The following WDR87 variants were observed in gnomAD, a reference collection of about 807,000 sequenced individuals.
The protein encoded by WDR87 is WD repeat-containing protein 87.
Under a neutral mutation model 83.3 loss-of-function variants are expected in WDR87, and 56 were observed. That is an observed-to-expected ratio of 0.67 (90% CI 0.54 to 0.84). The LOEUF is 0.84. Among genes scored for constraint, WDR87 ranks in the 40% least tolerant of loss-of-function variants. The pLI, the probability that WDR87 is intolerant of heterozygous loss-of-function variation, is 0.00. For missense variants in WDR87, 2,939 were observed against 3,431.9 expected (o/e 0.86, Z 3.59); for synonymous variants, 1,173 against 1,250.6 (o/e 0.94, Z 1.31).
Position 37,894,490 on chromosome 19 carries a change from GCCAGGTGATAACCAGAAGGT to G in WDR87, c.1193_1212del (p.Asp398AlafsTer17), listed in dbSNP as rs770313259. On this transcript the variant is annotated frameshift_variant, in exon 4 of 6. Transcript: ENST00000447313. LOFTEE classifies it high-confidence loss of function. The stretch of plus-strand genomic sequence containing the variant: ...ACAGCCTGGTCCAGGATTGAGAAGG[GCCAGGTGATAACCAGAAGGT>G]CCCCTGTTACTGGGGACACAAAGCG... 1.3e-6 allele frequency: 2 copies of G among 1,551,700 alleles called. No individual in the cohort carries two copies. The highest frequency in any genetic ancestry group is 2.4e-5 in the South Asian group (2 of 84,062).
intron 1 of WDR87, among the ~76,000 whole-genome samples, chr19:37,899,866 C>T (rs1419086264): frequency 6.6e-6 from 1 of 152,182 alleles, no homozygotes; most frequent in Non-Finnish European, 1.5e-5. Context: ...CTTTGGCTTC[C>T]CAAAGACTTG....
chr19:37,898,289 T>C lies in WDR87; in HGVS notation c.-46-4A>G. The C allele has an allele frequency of 1.3e-6, 2 of 1,538,942 alleles. No individual in the cohort carries two copies. The highest frequency in any genetic ancestry group is 1.8e-6 in the Non-Finnish European group (2 of 1,142,354). ...CTGAGGACTGTTGCTTAAAAACCTG[T>C]GGGAATCCAAAAGAGCCCAGCTTAG... On this transcript the variant is annotated splice_region_variant and splice_polypyrimidine_tract_variant and intron_variant, in intron 1 of 5. Coordinates refer to ENST00000447313, the MANE Select transcript of WDR87 (RefSeq NM_001291088.2).
In WDR87 at chr19:37,889,622, G is replaced by A. The variant is rs148940145; in HGVS notation, c.4049C>T (p.Pro1350Leu). ...GATAAAAATTGGTTTCTTCTCTGGC[G>A]GGACTACATCCCAATCAAGGTCCTC... The part of the protein sequence containing the change: ...LLEDLDWDVV[P>L]PEKKPIFIQE... Residue 1350 changes from proline (P) to leucine (L), a missense_variant, in exon 6 of 6, where the codon CCG (proline) becomes CTG (leucine). Transcript: ENST00000447313. 4.1e-4 allele frequency: 637 copies of A among 1,551,634 alleles called. 1 individual carries two copies. In the African/African-American group the frequency reaches 6.6e-3, roughly 16 times the overall value.
rs1228410299 is a variant in WDR87, at chr19:37,887,630, ATCT to A, written c.6038_6040del (p.Lys2013del). 1.9e-6 allele frequency: 3 copies of A among 1,552,024 alleles called. No individual in the cohort carries two copies. Among genetic ancestry groups the A allele is most frequent in the East Asian group, 4.9e-5 (2 of 40,916 alleles). On this transcript the variant is annotated inframe_deletion, in exon 6 of 6. Transcript: ENST00000447313. ...TGTTTCTTTTCCCTCAACCAGTCTCATCTTCTCCTCAGCCAGTCTTTTCATTTC... is the reference window on the plus strand; with the variant it reads ...TGTTTCTTTTCCCTCAACCAGTCTCATCTCCTCAGCCAGTCTTTTCATTTC...
In WDR87 at chr19:37,901,542, C is replaced by T. The variant is rs565153002; in HGVS notation, c.-46-3257G>A. 3.9e-5 allele frequency among the ~76,000 whole-genome samples: 6 copies of T among 152,276 alleles called. No individual in the cohort carries two copies. The South Asian group carries it at 1.2e-3, about 32-fold the overall frequency. On this transcript the variant is annotated intron_variant, in intron 1 of 5. Transcript: ENST00000447313. ...CTGCTGAGAGAGTAGTCGTTTGTAACAAATTTGCAGTCACTGCCATCACTT... is the reference window on the plus strand; with the variant it reads ...CTGCTGAGAGAGTAGTCGTTTGTAATAAATTTGCAGTCACTGCCATCACTT...
Position 37,893,248 on chromosome 19 carries a change from C to T in WDR87, c.2455G>A (p.Ala819Thr). The change falls in exon 4 of 6, where the codon GCC becomes ACC. Residue 819 changes from alanine (A) to threonine (T), a missense_variant. Around this residue, in one of 3 missense-constraint regions of WDR87, gnomAD observed 2,160 missense variants for 2,533.1 expected, o/e 0.85. Transcript: ENST00000447313. ...GAATTGGGGATATAGCAGTCAGGGG[C>T]AAAAAGCCATTCCCGCCCATGACCA... ...YFGHGREWLF[A>T]PDCYIPNSVI... 1 of 1,551,836 alleles carries T rather than the reference C, an allele frequency of 6.4e-7. No individual in the cohort carries two copies. Among genetic ancestry groups the T allele is most frequent in the South Asian group, 1.2e-5 (1 of 84,060 alleles).
chr19:37,885,916 G>A lies in WDR87; in HGVS notation c.7755C>T (p.Phe2585=). Residue 2585 remains phenylalanine, a synonymous_variant, in exon 6 of 6, where the codon TTC becomes TTT. Coordinates refer to ENST00000447313, the MANE Select transcript of WDR87 (RefSeq NM_001291088.2). ...CTTTGAGCAGCTGGCACAGTCTATGGAAACCATCCCTGGAAAGCTGTTCTC... is the reference window on the plus strand; with the variant it reads ...CTTTGAGCAGCTGGCACAGTCTATGAAAACCATCCCTGGAAAGCTGTTCTC... ...EAGEQLSRDG[F]HRLCQLLKDL... The A allele has an allele frequency of 6.4e-7, 1 of 1,552,286 alleles. No homozygotes were observed. The highest frequency in any genetic ancestry group is 2.4e-5 in the East Asian group (1 of 40,932).
chr19:37,896,335 G>A, intron 2 of WDR87, 27 bp from the exon 3 acceptor site: 2 of 1,549,598 alleles, frequency 1.3e-6, no homozygotes, highest in Non-Finnish European at 1.7e-6. Context: ...CATAAACTAA[G>A]AGGCCAGGGC....
chr19:37,892,503 G>T lies in WDR87; in HGVS notation c.3125+75C>A, dbSNP rs946947841. On this transcript the variant is annotated intron_variant, in intron 4 of 5. Coordinates refer to ENST00000447313, the MANE Select transcript of WDR87 (RefSeq NM_001291088.2). ...AACATCAGGGAGAATTAATGAACAG[G>T]GATGAAGAAATAGCAAAGGAAAGGA... 3.1e-6 allele frequency: 4 copies of T among 1,290,976 alleles called. No homozygotes were observed. In the African/African-American group the frequency reaches 4.5e-5, roughly 15 times the overall value. The allele number at this position is 1,290,976 out of a possible 1,614,324, so 80.0% of individuals were successfully genotyped here.
chr19:37,895,213 G>A lies in WDR87; in HGVS notation c.490C>T (p.Leu164Phe). The A allele has an allele frequency of 6.4e-7, 1 of 1,551,718 alleles. No individual in the cohort carries two copies. Among genetic ancestry groups the A allele is most frequent in the Non-Finnish European group, 8.7e-7 (1 of 1,147,002 alleles). The change falls in exon 4 of 6, where the codon CTT becomes TTT. Residue 164 changes from leucine (L) to phenylalanine (F), a missense_variant. Leu to Phe is a conservative substitution (Grantham distance 22, BLOSUM62 0). Transcript: ENST00000447313. Reference protein sequence around the residue: ...CLCYDPEMKMLLSGILGAVVT... With the variant: ...CLCYDPEMKMFLSGILGAVVT... ...ACTGCCCCCAGGATGCCAGACAGAA[G>A]CATCTTCATTTCCGGGTCATAGCAG...
rs763005735 is a variant in WDR87 at position 37,886,893 on chromosome 19, C to G, written c.6778G>C (p.Glu2260Gln). 270 of 1,551,496 alleles carry G rather than the reference C, an allele frequency of 1.7e-4. No individual in the cohort carries two copies. Among genetic ancestry groups the G allele is most frequent in the Non-Finnish European group, 2.3e-4 (261 of 1,146,984 alleles). ...TCTTCAGAAAAATGCTCTTCACTTT[C>G]CACTTCATCCACTTGACTGGAAAAC... is the stretch of plus-strand genomic sequence containing the variant. ...EKFSSQVDEVESEEHFSEEME... is the reference protein window; with the variant it reads ...EKFSSQVDEVQSEEHFSEEME... Residue 2260 changes from glutamate (E) to glutamine (Q), a missense_variant, in exon 6 of 6, where the codon GAA (glutamate) becomes CAA (glutamine). Transcript: ENST00000447313.
rs774971983 is a variant in WDR87 at position 37,889,675 on chromosome 19, T to C, written c.3996A>G (p.Leu1332=). The change falls in exon 6 of 6, where the codon CTA becomes CTG. Residue 1332 remains leucine (L), a synonymous_variant. Coordinates refer to ENST00000447313, the MANE Select transcript of WDR87 (RefSeq NM_001291088.2). ...SWELFQEICP[L]LKKESKVLLE... ...GCAGAACCTTACTTTCTTTCTTCAATAGGGGGCAGATCTCCTGAAAGAGTT... is the reference window on the plus strand; with the variant it reads ...GCAGAACCTTACTTTCTTTCTTCAACAGGGGGCAGATCTCCTGAAAGAGTT... 1.5e-5 allele frequency: 23 copies of C among 1,551,660 alleles called. No individual in the cohort carries two copies. Among genetic ancestry groups the C allele is most frequent in the Admixed American group, 3.9e-5 (2 of 50,978 alleles).
chr19:37,890,032 T>C lies in WDR87; in HGVS notation c.3639A>G (p.Lys1213=). The C allele has an allele frequency of 1.3e-6, 2 of 1,551,758 alleles. No homozygotes were observed. The highest frequency in any genetic ancestry group is 1.7e-6 in the Non-Finnish European group (2 of 1,147,010). The change falls in exon 6 of 6, where the codon AAA becomes AAG. Residue 1213 remains lysine, a synonymous_variant. Transcript: ENST00000447313. ...CTTTCTTGTCTCTTTTGTCACGTAT[T>C]TTCTGCAGCCTCTTCAGGGTCAATG... is the stretch of plus-strand genomic sequence containing the variant. ...HIALTLKRLQ[K]IRDKRDKKAT...
At position 37,888,657 on chromosome 19, in the gene WDR87, C is replaced by T; in HGVS notation, c.5014G>A (p.Ala1672Thr). 1 of 1,552,016 alleles carries T rather than the reference C, an allele frequency of 6.4e-7. No homozygotes were observed. The highest frequency in any genetic ancestry group is 1.2e-5 in the South Asian group (1 of 84,032). Residue 1672 changes from alanine (A) to threonine (T), a missense_variant, in exon 6 of 6, where the codon GCA (alanine) becomes ACA (threonine). By Grantham distance (58) the Ala-to-Thr change is moderately conservative. Around this residue, in one of 3 missense-constraint regions of WDR87, gnomAD observed 2,160 missense variants for 2,533.1 expected, o/e 0.85. Transcript: ENST00000447313. Reference protein sequence around the residue: ...ITQDDREMAQAEGKFAQKEET... With the variant: ...ITQDDREMAQTEGKFAQKEET... ...TCTTTCTGGGCAAACTTACCCTCTG[C>T]CTGGGCCATTTCCCTGTCATCCTGG...
At chr19:37,895,992 A>G (rs1599768763) in intron 3 of WDR87, 146 bp downstream of exon 3, 2 of 1,122,492 alleles carry the variant, frequency 1.8e-6, no homozygotes, top group East Asian at 5.2e-5. Flanking sequence ...CATGGGGACT[A>G]TAATTGGAGA....
rs1465012886 is a variant in WDR87, at chr19:37,893,896, G to T, written c.1807C>A (p.Pro603Thr). 6.4e-7 allele frequency: 1 copy of T among 1,551,810 alleles called. No homozygotes were observed. The highest frequency in any genetic ancestry group is 8.7e-7 in the Non-Finnish European group (1 of 1,147,052). The change falls in exon 4 of 6, where the codon CCT becomes ACT. Residue 603 changes from proline to threonine, a missense_variant. Pro to Thr is a conservative substitution (Grantham distance 38). Transcript: ENST00000447313. The part of the protein sequence containing the change: ...QNGLKFIETL[P>T]LHLCAITSFD... ...GATGTGATGGCACACAGGTGCAGAG[G>T]CAGTGTTTCTATGAATTTCAAGCCA...
rs758509402 is a variant in WDR87, at chr19:37,884,949, C to T, written c.8722G>A (p.Val2908Ile). 4.7e-5 allele frequency: 62 copies of T among 1,316,150 alleles called. No homozygotes were observed. Among genetic ancestry groups the T allele is most frequent in the Middle Eastern group, 2.0e-4 (1 of 5,082 alleles). The allele number at this position is 1,316,150 out of a possible 1,614,324, so 81.5% of individuals were successfully genotyped here. ...GTCCCAAATTAGAGAGTGGGAGCAA[C>T]GGTGTGTGTCAGTGCCTTGGTGAGA... ...LHLTKALTHT[V>I]APTL The change falls in exon 6 of 6, where the codon GTT (valine) becomes ATT (isoleucine). Residue 2908 changes from valine to isoleucine, a missense_variant. Coordinates refer to ENST00000447313, the MANE Select transcript of WDR87 (RefSeq NM_001291088.2).
chr19:37,905,903 C>G (rs887370406), intron 1 of WDR87, among the ~76,000 whole-genome samples: 1 of 152,028 alleles, frequency 6.6e-6, no homozygotes, highest in African/African-American at 2.4e-5. Context: ...CTGAAAACTC[C>G]CTGAAGGTAG....
At position 37,887,245 on chromosome 19, in the gene WDR87, T is replaced by A; in HGVS notation, c.6426A>T (p.Ala2142=). The A allele has an allele frequency of 6.4e-7, 1 of 1,551,744 alleles. No individual in the cohort carries two copies. The highest frequency in any genetic ancestry group is 8.7e-7 in the Non-Finnish European group (1 of 1,146,992). Residue 2142 remains alanine, a synonymous_variant, in exon 6 of 6, where the codon GCA becomes GCT. Coordinates refer to ENST00000447313, the MANE Select transcript of WDR87 (RefSeq NM_001291088.2). The stretch of plus-strand genomic sequence containing the variant: ...TCAACCTGCGCTCCTTAACAAAGAG[T>A]GCCCTCTTCATCTTTGTCATTTTTA... ...EEIKMTKMKR[A]LFVKERRLSI...
Sources: allele counts gnomAD v4.1 joint callset (sites outside exome capture counted in the v4.1 genomes callset), GRCh38; gene constraint gnomAD v4.1.1; regional missense constraint gnomAD v4.1.1; transcripts MANE v1.5; gene names NCBI Gene and HGNC (gene_info 2026-07-23, HGNC 2026-07-21).